The following ADGRD1 variants were observed in gnomAD, a reference collection of about 807,000 sequenced individuals.
ADGRD1 encodes the protein adhesion G protein-coupled receptor D1.
ADGRD1 carries 77 observed loss-of-function variants against 113.4 expected under a neutral mutation model. The observed-to-expected ratio is 0.68, with a 90% CI of 0.57 to 0.82. The LOEUF is 0.82. Ranked by LOEUF, ADGRD1 falls within the 40% of genes least tolerant of loss-of-function variation. The pLI, the probability that ADGRD1 is intolerant of heterozygous loss-of-function variation, is 0.00. For missense variants in ADGRD1, 1,036 were observed against 1,139.1 expected, an observed-to-expected ratio of 0.91 and a Z score of 1.30; for synonymous variants, 474 against 475.0, an observed-to-expected ratio of 1.00 and a Z score of 0.03.
intron 13 of ADGRD1, among the ~76,000 whole-genome samples, chr12:131,042,837 T>A (rs1882276949): frequency 6.6e-6 from 1 of 152,270 alleles, no homozygotes; most frequent in Non-Finnish European, 1.5e-5. Context: ...ATAATTTGAT[T>A]TAGCTGGCAA....
chr12:131,118,286 G>T (rs1232298097), intron 18 of ADGRD1, 99 bp from the exon 19 acceptor site: 1 of 806,494 alleles, frequency 1.2e-6, no homozygotes, highest in Non-Finnish European at 2.1e-6. Context: ...CATGTATGAG[G>T]TGTACAAGGA....
chr12:131,103,063 T>C (rs997486380), intron 15 of ADGRD1, among the ~76,000 whole-genome samples: 1 of 152,220 alleles, frequency 6.6e-6, no homozygotes, highest in African/African-American at 2.4e-5. Flanking sequence ...GGCCACGCAG[T>C]GCCCACCTTT....
At chr12:131,133,242 A>G (rs948225622) in intron 21 of ADGRD1, among the ~76,000 whole-genome samples, 3 of 151,990 alleles carry the variant, frequency 2.0e-5, no homozygotes, top group Admixed American at 1.3e-4. Context: ...GCTTGTCTCC[A>G]GCAAAAGCTC....
chr12:131,052,040 C>T (rs1054072458), intron 13 of ADGRD1, among the ~76,000 whole-genome samples: 2 of 152,230 alleles, frequency 1.3e-5, no homozygotes, highest in Non-Finnish European at 2.9e-5. Context: ...TCACATCTTT[C>T]ATAACCCTGC....
At chr12:130,992,508 C>A (rs927147605) in intron 8 of ADGRD1, 116 bp downstream of exon 8, 1 of 944,372 alleles carries the variant, frequency 1.1e-6, no homozygotes, top group Non-Finnish European at 1.6e-6. Context: ...TTTACTGAAA[C>A]GTTTGGGTTT....
In ADGRD1 at chr12:131,006,031, T is replaced by A; in HGVS notation, c.1315T>A (p.Trp439Arg). 6.2e-7 allele frequency: 1 copy of A among 1,612,574 alleles called. No homozygotes were observed. Among genetic ancestry groups the A allele is most frequent in the Non-Finnish European group, 8.5e-7 (1 of 1,179,942 alleles). Residue 439 changes from tryptophan (W) to arginine (R), a missense_variant, in exon 12 of 25, where the codon TGG becomes AGG. Coordinates refer to ENST00000261654, the MANE Select transcript of ADGRD1 (RefSeq NM_198827.5). ...CATGCACTACTACCTGAACAACATC[T>A]GGCCCGCCCACACCAAGTGAGTCTC... The part of the protein sequence containing the change: ...HSMHYYLNNI[W>R]PAHTKIAEAM...
At position 131,060,912 on chromosome 12, in the gene ADGRD1, G is replaced by A. The variant is rs1323263090; in HGVS notation, c.1474-15889G>A. On this transcript the variant is annotated intron_variant, in intron 13 of 24. Coordinates refer to ENST00000261654, the MANE Select transcript of ADGRD1 (RefSeq NM_198827.5). This position sits in a 1 kb window ranked among gnomAD's most constrained non-coding sequence, Gnocchi z 4.4. ...CAGGGGCTCAGTCCACCCCGCCCAT[G>A]TTACCTGGATGGAGAACAGAGTGGA... Among the ~76,000 whole-genome samples the A allele has an allele frequency of 6.6e-6, 1 of 152,072 alleles. No homozygotes were observed. The highest frequency in any genetic ancestry group is 1.5e-5 in the Non-Finnish European group (1 of 68,008).
chr12:131,083,302 T>A (rs1193576738), intron 14 of ADGRD1, among the ~76,000 whole-genome samples: 5 of 151,944 alleles, frequency 3.3e-5, no homozygotes, highest in East Asian at 1.9e-4. Context: ...TTTTTTTTTT[T>A]AATTTGAAAA....
At chr12:131,105,916 G>A (rs372265743) in intron 17 of ADGRD1, 51 bp downstream of exon 17, 26 of 1,343,518 alleles carry the variant, frequency 1.9e-5, no homozygotes, top group South Asian at 2.4e-5. Flanking sequence ...TTGCCTCCTC[G>A]GATGTCACCG....
intron 14 of ADGRD1, among the ~76,000 whole-genome samples, chr12:131,078,777 C>T (rs1885843141): frequency 1.3e-5 from 2 of 152,138 alleles, no homozygotes; most frequent in African/African-American, 4.8e-5. Flanking sequence ...TGTTCTTTTC[C>T]CTCAATTCCT....
chr12:131,064,697 A>T (rs1884581433), intron 13 of ADGRD1, among the ~76,000 whole-genome samples: 1 of 152,224 alleles, frequency 6.6e-6, no homozygotes, highest in Non-Finnish European at 1.5e-5. Flanking sequence ...TCAATTGAGG[A>T]TCCCATATCT....
intron 18 of ADGRD1, among the ~76,000 whole-genome samples, chr12:131,114,451 G>A (rs1318678051): frequency 1.3e-5 from 2 of 152,138 alleles, no homozygotes; most frequent in East Asian, 3.9e-4. Context: ...TGTGAGTCCT[G>A]CAACCTCCAT....
In ADGRD1 at chr12:131,135,934, G is replaced by C. The variant is rs149054860; in HGVS notation, c.2268-103G>C. On this transcript the variant is annotated intron_variant, in intron 21 of 24. Coordinates refer to ENST00000261654, the MANE Select transcript of ADGRD1 (RefSeq NM_198827.5). ...GACCCCAGGTCTTGCTCCCGGCAGG[G>C]CGGTGCCTGCACCCATCTGGAAGCC... 64 of 1,272,498 alleles carry C rather than the reference G, an allele frequency of 5.0e-5. No individual in the cohort carries two copies. The African/African-American group carries it at 5.4e-4, about 11-fold the overall frequency. The allele number at this position is 1,272,498 out of a possible 1,614,324, so 78.8% of individuals were successfully genotyped here.
At position 130,991,072 on chromosome 12, in the gene ADGRD1, C is replaced by T. The variant is rs756981980; in HGVS notation, c.804C>T (p.Ser268=). ...GCCTCTTCATGACATCCACAGCAAG[C>T]CCCGTGGTGAGCAGACACATCTTCC... is the stretch of plus-strand genomic sequence containing the variant. ...LPSLFMTSTA[S]PVMPTDAYHP... Residue 268 remains serine (S), a synonymous_variant, in exon 7 of 25, where the codon AGC becomes AGT. Transcript: ENST00000261654. 1 of 1,613,400 alleles carries T rather than the reference C, an allele frequency of 6.2e-7. No individual in the cohort carries two copies. Among genetic ancestry groups the T allele is most frequent in the South Asian group, 1.1e-5 (1 of 91,050 alleles).
intron 4 of ADGRD1, chr12:130,981,226 A>C (rs1394370934): frequency 2.6e-5 from 4 of 152,148 alleles, no homozygotes; most frequent in Non-Finnish European, 5.9e-5. Flanking sequence ...GTGGAAGAAA[A>C]CCTTAAGATC....
In ADGRD1 at chr12:130,984,557, G is replaced by A. The variant is rs557612694; in HGVS notation, c.490+2494G>A. Among the ~76,000 whole-genome samples the A allele has an allele frequency of 6.6e-6, 1 of 152,028 alleles. No homozygotes were observed. Among genetic ancestry groups the A allele is most frequent in the Non-Finnish European group, 1.5e-5 (1 of 68,020 alleles). On this transcript the variant is annotated intron_variant, in intron 5 of 24. Coordinates refer to ENST00000261654, the MANE Select transcript of ADGRD1 (RefSeq NM_198827.5). This position sits in a 1 kb window ranked among gnomAD's most constrained non-coding sequence, Gnocchi z 4.1. ...CCCATTACCCTCCGCCTCTACACAG[G>A]CACAGCTTCCCCCACTATGGACATT...
chr12:130,963,364 A>G (rs1235317657), intron 2 of ADGRD1, among the ~76,000 whole-genome samples: 3 of 151,892 alleles, frequency 2.0e-5, no homozygotes, highest in Non-Finnish European at 4.4e-5. Flanking sequence ...TCAAATTCAA[A>G]TAGAACAGAA....
chr12:131,108,616 C>A, intron 17 of ADGRD1, 108 bp from the exon 18 acceptor site: 1 of 1,470,534 alleles, frequency 6.8e-7, no homozygotes, highest in Non-Finnish European at 9.4e-7. Flanking sequence ...AACATGGTCA[C>A]ATGACCAAAA....
intron 13 of ADGRD1, chr12:131,026,891 G>A (rs1399136585): frequency 2.6e-5 from 4 of 152,192 alleles, no homozygotes; most frequent in African/African-American, 4.8e-5. Context: ...CCGCTGACTC[G>A]TCCTTGTAAC....
Sources: gnomAD v4.1 joint callset for allele counts (sites outside exome capture counted in the v4.1 genomes callset) on GRCh38, gnomAD v4.1.1 for gene constraint, Gnocchi (gnomAD v3.1) non-coding constraint, MANE v1.5 for transcripts, NCBI Gene and HGNC (gene_info 2026-07-23, HGNC 2026-07-21) for gene names.